The following CCDC171 variants were observed in gnomAD, a reference collection of about 807,000 sequenced individuals.
CCDC171 encodes the protein coiled-coil domain containing 171.
Under a neutral mutation model 168.2 loss-of-function variants are expected in CCDC171, and 177 were observed. That is an observed-to-expected ratio of 1.05 (90% CI 0.93 to 1.19). CCDC171 has a LOEUF of 1.19. Ranked by LOEUF, CCDC171 falls within the 50% of genes most tolerant of loss-of-function variation. The pLI, the probability that CCDC171 is intolerant of heterozygous loss-of-function variation, is 0.00. For synonymous variants in CCDC171, 687 were observed against 540.8 expected, an observed-to-expected ratio of 1.27 and a Z score of -3.75; for missense variants, 1,991 against 1,539.0, an observed-to-expected ratio of 1.29 and a Z score of -4.91.
chr9:15,798,227 A>G (rs1354361272), intron 21 of CCDC171, among the ~76,000 whole-genome samples: 2 of 152,128 alleles, frequency 1.3e-5, no homozygotes, highest in Non-Finnish European at 2.9e-5. Flanking sequence ...ATAACATTCC[A>G]TTATTATATT....
intron 21 of CCDC171, among the ~76,000 whole-genome samples, chr9:15,819,988 G>A (rs576917435): frequency 1.7e-5 from 2 of 116,920 alleles, no homozygotes; most frequent in South Asian, 2.8e-4. Context: ...ATAACAAACT[G>A]TGTCTCAGAC....
chr9:15,931,375 C>G (rs1267136533), intron 25 of CCDC171, among the ~76,000 whole-genome samples: 4 of 148,718 alleles, frequency 2.7e-5, no homozygotes, highest in Non-Finnish European at 3.0e-5. Context: ...CTGTTATCTA[C>G]TTGTATGTCT....
intron 21 of CCDC171, among the ~76,000 whole-genome samples, chr9:15,811,931 T>C (rs976060674): frequency 6.6e-6 from 1 of 152,152 alleles, no homozygotes; most frequent in African/African-American, 2.4e-5. Context: ...AAGCTGGAGA[T>C]TTATGTTAAG....
At chr9:15,709,363 T>C (rs2052483430) in intron 11 of CCDC171, among the ~76,000 whole-genome samples, 1 of 152,098 alleles carries the variant, frequency 6.6e-6, no homozygotes, top group African/African-American at 2.4e-5. Flanking sequence ...CATTTTAGAT[T>C]GGTGATTTGG....
chr9:15,748,866 A>C (rs1017621168), intron 18 of CCDC171, among the ~76,000 whole-genome samples: 2 of 152,212 alleles, frequency 1.3e-5, no homozygotes, highest in African/African-American at 4.8e-5. Flanking sequence ...CCACTGCAAA[A>C]ACATGCCAAA....
chr9:15,884,499 C>T (rs1382671284), intron 24 of CCDC171, among the ~76,000 whole-genome samples: 1 of 152,040 alleles, frequency 6.6e-6, no homozygotes, highest in Non-Finnish European at 1.5e-5. Flanking sequence ...TACTGTATGT[C>T]ATTGAGTTAT....
intron 21 of CCDC171, among the ~76,000 whole-genome samples, chr9:15,828,482 T>C (rs1438714486): frequency 1.3e-5 from 2 of 152,192 alleles, no homozygotes; most frequent in Admixed American, 1.3e-4. Context: ...TGTATATTTT[T>C]AGATTTATAT....
Position 15,811,000 on chromosome 9 carries a change from G to T in CCDC171, c.3267+26306G>T, listed in dbSNP as rs116165251. Among the ~76,000 whole-genome samples the T allele has an allele frequency of 5.7e-3, 869 of 152,362 alleles. 11 individuals carry two copies. The highest frequency in any genetic ancestry group is 0.02 in the African/African-American group (839 of 41,582). ...AGTGCTCACTAGTTTCATGTGGCTA[G>T]TAACTGTCATATCAGCAGCATAAAT... is the stretch of plus-strand genomic sequence containing the variant. On this transcript the variant is annotated intron_variant, in intron 21 of 25. Coordinates refer to ENST00000380701, the MANE Select transcript of CCDC171 (RefSeq NM_173550.4).
At chr9:15,761,625 T>G (rs550691727) in intron 18 of CCDC171, among the ~76,000 whole-genome samples, 1 of 135,416 alleles carries the variant, frequency 7.4e-6, no homozygotes, top group African/African-American at 2.9e-5. Context: ...ATTTTGTTAT[T>G]TTTATTTTGT....
chr9:15,977,989 A>T (rs1313831418), downstream of CCDC171, among the ~76,000 whole-genome samples: 1 of 150,940 alleles, frequency 6.6e-6, no homozygotes, highest in Admixed American at 6.6e-5. Context: ...CTTTTTCTTC[A>T]AACAGTAACC....
chr9:15,802,108 G>C (rs2058853953), intron 21 of CCDC171, among the ~76,000 whole-genome samples: 1 of 151,668 alleles, frequency 6.6e-6, no homozygotes, highest in South Asian at 2.1e-4. Flanking sequence ...GTCTGATTTT[G>C]ATAAGGTTTC....
chr9:16,006,700 C>T (rs557540832), intron 3 of CCDC171, among the ~76,000 whole-genome samples: 70 of 151,882 alleles, frequency 4.6e-4, no homozygotes, highest in Middle Eastern at 3.4e-3. Context: ...TTTGTCCTTG[C>T]GACAGTTTGC....
At chr9:15,983,511 T>TGTGAGA (rs1554707509) in intron 3 of CCDC171, among the ~76,000 whole-genome samples, 545 of 137,366 alleles carry the variant, frequency 4.0e-3, no homozygotes, top group Non-Finnish European at 6.0e-3. Flanking sequence ...TGTGTGTGTG[T>TGTGAGA]GAGAGAGAGA....
chr9:15,945,428 A>G (rs1451633757), intron 25 of CCDC171, among the ~76,000 whole-genome samples: 1 of 150,966 alleles, frequency 6.6e-6, no homozygotes, highest in Non-Finnish European at 1.5e-5. Context: ...TGGTATTTCT[A>G]GTTCTAGATC....
At chr9:15,977,186 C>G (rs958822355), downstream of CCDC171, among the ~76,000 whole-genome samples, 1 of 152,122 alleles carries the variant, frequency 6.6e-6, no homozygotes, top group Non-Finnish European at 1.5e-5. Flanking sequence ...ATCAGATGTC[C>G]TGTTAGTTCA....
intron 21 of CCDC171, among the ~76,000 whole-genome samples, chr9:15,799,062 T>C (rs929239105): frequency 1.3e-5 from 2 of 149,604 alleles, no homozygotes; most frequent in Non-Finnish European, 3.0e-5. Context: ...ATTGTTATCA[T>C]TTCAACTTTT....
intron 1 of CCDC171, among the ~76,000 whole-genome samples, chr9:15,560,653 T>G (rs1383847581): frequency 6.6e-6 from 1 of 152,150 alleles, no homozygotes; most frequent in Non-Finnish European, 1.5e-5. Flanking sequence ...GGTTTTTAGC[T>G]TCTTTGCGAT....
intron 10 of CCDC171, among the ~76,000 whole-genome samples, chr9:15,692,775 C>T (rs1305350769): frequency 6.6e-6 from 1 of 151,512 alleles, no homozygotes; most frequent in African/African-American, 2.4e-5. Context: ...GATCCACGCG[C>T]CTCGGCCTCC....
chr9:16,103,479 T>G, the CCDC171 span, among the ~76,000 whole-genome samples: 3 of 152,216 alleles, frequency 2.0e-5, no homozygotes, highest in Admixed American at 6.5e-5. Flanking sequence ...AAAGATGCAA[T>G]GTAAAAGCAA....
Sources: gnomAD v4.1 joint callset for allele counts (sites outside exome capture counted in the v4.1 genomes callset) on GRCh38, gnomAD v4.1.1 for gene constraint, MANE v1.5 for transcripts, NCBI Gene and HGNC (gene_info 2026-07-23, HGNC 2026-07-21) for gene names.